Variants in PIGL observed in about 807,000 individuals in gnomAD.
PIGL encodes phosphatidylinositol glycan anchor biosynthesis class L.
A neutral mutation model predicts 31.1 loss-of-function variants in PIGL; 22 were observed. The observed-to-expected ratio is 0.71, with a 90% CI of 0.51 to 1.01. The LOEUF (loss-of-function observed/expected upper bound fraction) is 1.01, where lower values mean the gene tolerates loss of function less well. Among genes scored for constraint, PIGL ranks in the 50% least tolerant of loss-of-function variants. The pLI, the probability that PIGL is intolerant of heterozygous loss-of-function variation, is 0.00. For synonymous variants in PIGL, 131 were observed against 117.4 expected (o/e 1.12, Z -0.75); for missense variants, 302 against 315.9 (o/e 0.96, Z 0.33).
At chr17:16,298,569 T>A (rs144556335) in intron 2 of PIGL, among the ~76,000 whole-genome samples, 2 of 152,360 alleles carry the variant, frequency 1.3e-5, no homozygotes, top group East Asian at 3.9e-4. Context: ...AAGTTTATTC[T>A]GGTAAAGACC....
intron 2 of PIGL, among the ~76,000 whole-genome samples, chr17:16,289,175 C>T (rs2092950233): frequency 6.6e-6 from 1 of 152,284 alleles, no homozygotes; most frequent in South Asian, 2.1e-4. Flanking sequence ...TCTCTGTATT[C>T]GAAGGTTTAG....
rs1275854372 is a variant in PIGL, at chr17:16,221,143, G to A, written c.235+3682G>A. On this transcript the variant is annotated intron_variant, in intron 1 of 6. Coordinates refer to ENST00000225609, the MANE Select transcript of PIGL (RefSeq NM_004278.4). ...TAAAAACATTGAGTGCCAAGTGCAT[G>A]CTCTGTATTTTTTATTTGAAAAAAT... Among the ~76,000 whole-genome samples the A allele has an allele frequency of 2.6e-5, 4 of 152,208 alleles. No individual in the cohort carries two copies. In the East Asian group the frequency reaches 7.7e-4, roughly 29 times the overall value.
intron 3 of PIGL, among the ~76,000 whole-genome samples, chr17:16,301,188 G>C (rs2093002872): frequency 6.6e-6 from 1 of 151,570 alleles, no homozygotes. Flanking sequence ...TGTTGCCCAA[G>C]CTGGAGTGCA....
At chr17:16,312,330 A>G (rs1297246874) in intron 3 of PIGL, 73 of 156,730 alleles carry the variant, frequency 4.7e-4, no homozygotes, top group Non-Finnish European at 7.6e-4. Flanking sequence ...ATGGGGCGGC[A>G]GGGCAGAGGC....
intron 2 of PIGL, among the ~76,000 whole-genome samples, chr17:16,245,573 T>C (rs1408478493): frequency 1.4e-5 from 2 of 148,130 alleles, no homozygotes; most frequent in Non-Finnish European, 3.0e-5. Context: ...GTGGCTAATT[T>C]TTTGTATTTT....
chr17:16,313,987 G>T (rs1035914180), intron 4 of PIGL, among the ~76,000 whole-genome samples: 1 of 152,146 alleles, frequency 6.6e-6, no homozygotes, highest in African/African-American at 2.4e-5. Context: ...CAATCAGTGT[G>T]CCTCCACCTT....
intron 2 of PIGL, among the ~76,000 whole-genome samples, chr17:16,271,834 C>T (rs552640787): frequency 6.6e-6 from 1 of 152,212 alleles, no homozygotes; most frequent in African/African-American, 2.4e-5. Context: ...CCGGCCAGAA[C>T]ATAATTATAC....
At chr17:16,275,299 T>C (rs1016977805) in intron 2 of PIGL, among the ~76,000 whole-genome samples, 2 of 152,218 alleles carry the variant, frequency 1.3e-5, no homozygotes, top group African/African-American at 4.8e-5. Flanking sequence ...TCTTTTAGCA[T>C]GCTGATGCAT....
At chr17:16,278,355 CT>C (rs1422034684) in intron 2 of PIGL, among the ~76,000 whole-genome samples, 3 of 151,974 alleles carry the variant, frequency 2.0e-5, no homozygotes, top group African/African-American at 7.3e-5. Flanking sequence ...TCCCAAAGTG[CT>C]GGGATTACAA....
intron 2 of PIGL, among the ~76,000 whole-genome samples, chr17:16,252,207 G>A (rs1233826663): frequency 1.3e-5 from 2 of 151,788 alleles, no homozygotes; most frequent in African/African-American, 4.8e-5. Flanking sequence ...CCGAGTAGGT[G>A]GGATTACAGG....
chr17:16,218,206 T>A (rs1481140286), intron 1 of PIGL: 1 of 152,380 alleles, frequency 6.6e-6, no homozygotes, highest in Non-Finnish European at 1.5e-5. Flanking sequence ...GCTATTTTTT[T>A]AAATTGCCCA....
At chr17:16,226,382 T>C (rs1350173362) in intron 1 of PIGL, among the ~76,000 whole-genome samples, 1 of 152,188 alleles carries the variant, frequency 6.6e-6, no homozygotes, top group East Asian at 1.9e-4. Flanking sequence ...TGACCTGGGC[T>C]TCCTCACAAC....
At chr17:16,321,001 G>A (rs563135149) in intron 6 of PIGL, among the ~76,000 whole-genome samples, 7 of 135,046 alleles carry the variant, frequency 5.2e-5, no homozygotes, top group East Asian at 2.2e-4. Context: ...GCAATGGCAC[G>A]ATCTCAGCTC....
intron 2 of PIGL, among the ~76,000 whole-genome samples, chr17:16,257,277 C>T (rs2092797952): frequency 1.3e-5 from 2 of 151,864 alleles, no homozygotes; most frequent in East Asian, 3.9e-4. Context: ...ATTAGCCAGG[C>T]CTGGCGGCGG....
intron 5 of PIGL, chr17:16,317,045 T>A (rs1353811529): frequency 8.9e-7 from 1 of 1,119,544 alleles, no homozygotes; most frequent in Non-Finnish European, 1.1e-6. Flanking sequence ...AGGTTGTAAA[T>A]GACTGCTGGG....
intron 3 of PIGL, among the ~76,000 whole-genome samples, chr17:16,303,897 G>A (rs140619618): frequency 0.048 from 7,329 of 152,004 alleles, 219 homozygotes; most frequent in African/African-American, 0.089. Context: ...TGTATTTTTA[G>A]TAGAGACGGG....
chr17:16,270,818 G>A lies in PIGL; in HGVS notation c.336-29070G>A, dbSNP rs140443089. Among the ~76,000 whole-genome samples, 88 of 151,922 alleles carry A rather than the reference G, an allele frequency of 5.8e-4. 2 individuals carry two copies. In the East Asian group the frequency reaches 0.014, roughly 24 times the overall value. On this transcript the variant is annotated intron_variant, in intron 2 of 6. Transcript: ENST00000225609. ...AGGCTGAGGAGAATCACTTGAACCC[G>A]GGAGGCAGAGGTTGCAGTGAGCCGA...
chr17:16,293,323 G>A (rs1446057915), intron 2 of PIGL, among the ~76,000 whole-genome samples: 3 of 152,220 alleles, frequency 2.0e-5, no homozygotes, highest in Admixed American at 1.3e-4. Context: ...AGGAGATCCA[G>A]TCCATCCTGG....
At chr17:16,309,916 G>A (rs1035071434) in intron 3 of PIGL, among the ~76,000 whole-genome samples, 5 of 151,518 alleles carry the variant, frequency 3.3e-5, no homozygotes, top group Non-Finnish European at 7.4e-5. Context: ...TGTCTCTACT[G>A]AAAATACAAA....
Sources: gnomAD v4.1 joint callset for allele counts (sites outside exome capture counted in the v4.1 genomes callset) on GRCh38, gnomAD v4.1.1 for gene constraint, MANE v1.5 for transcripts, NCBI Gene and HGNC (gene_info 2026-07-23, HGNC 2026-07-21) for gene names.